COL19A1: variants seen among roughly 807,000 people sequenced by gnomAD.
The protein encoded by COL19A1 is collagen type XIX alpha 1 chain.
Under a neutral mutation model 190.2 loss-of-function variants are expected in COL19A1, and 159 were observed. The ratio of observed to expected loss-of-function variants is 0.84; its 90% CI spans 0.73 to 0.95. COL19A1 has a LOEUF of 0.95. COL19A1 is among the 40% of genes least tolerant of loss of function. The probability of loss-of-function intolerance (pLI) is 0.00; values close to 1 mark genes in which losing one functional copy is unlikely to be tolerated. For synonymous variants in COL19A1, 509 were observed against 458.9 expected, an observed-to-expected ratio of 1.11 and a Z score of -1.39; for missense variants, 1,418 against 1,431.9, an observed-to-expected ratio of 0.99 and a Z score of 0.16.
chr6:70,077,374 G>A (rs1455686521), intron 15 of COL19A1, among the ~76,000 whole-genome samples: 2 of 152,178 alleles, frequency 1.3e-5, no homozygotes, highest in Non-Finnish European at 1.5e-5. Flanking sequence ...TGGAATGGTA[G>A]TATTGAGAGT....
At chr6:70,161,537 T>C (rs556265369) in intron 34 of COL19A1, among the ~76,000 whole-genome samples, 87 of 152,204 alleles carry the variant, frequency 5.7e-4, no homozygotes, top group African/African-American at 2.0e-3. Context: ...CGCAAAAGCA[T>C]ACAGAGTGAT....
At chr6:69,896,142 T>C (rs956441346) in intron 2 of COL19A1, among the ~76,000 whole-genome samples, 1 of 152,160 alleles carries the variant, frequency 6.6e-6, no homozygotes, top group Non-Finnish European at 1.5e-5. Flanking sequence ...GCCATGAATA[T>C]TCTTGCCTAA....
chr6:70,156,077 A>C, intron 31 of COL19A1, 50 bp from the exon 32 acceptor site: 1 of 1,547,100 alleles, frequency 6.5e-7, no homozygotes, highest in African/African-American at 1.4e-5. Flanking sequence ...CCTCACCTTT[A>C]TAGACGGCTT....
At chr6:70,066,952 G>A (rs907948833) in intron 14 of COL19A1, among the ~76,000 whole-genome samples, 9 of 152,078 alleles carry the variant, frequency 5.9e-5, no homozygotes, top group African/African-American at 1.9e-4. Flanking sequence ...ACTTTTATTG[G>A]AGTGGATGAG....
chr6:70,010,743 A>C (rs1228704625), intron 11 of COL19A1, among the ~76,000 whole-genome samples: 1 of 132,774 alleles, frequency 7.5e-6, no homozygotes, highest in Non-Finnish European at 1.5e-5. Flanking sequence ...CTAGCACAGC[A>C]GTCTGAGATC....
intron 4 of COL19A1, among the ~76,000 whole-genome samples, chr6:69,917,751 G>C (rs1434354711): frequency 6.6e-6 from 1 of 152,040 alleles, no homozygotes; most frequent in Non-Finnish European, 1.5e-5. Context: ...TGGCTTCCCT[G>C]AGCCACTTTG....
Position 70,207,229 on chromosome 6 carries a change from C to G in COL19A1, c.3384C>G (p.Cys1128Trp). 1 of 1,614,004 alleles carries G rather than the reference C, an allele frequency of 6.2e-7. No homozygotes were observed. Among genetic ancestry groups the G allele is most frequent in the Non-Finnish European group, 8.5e-7 (1 of 1,179,952 alleles). The change falls in exon 51 of 51, where the codon TGC (cysteine) becomes TGG (tryptophan). Residue 1128 changes from cysteine (C) to tryptophan (W), a missense_variant. Physicochemically the swap from Cys to Trp is radical, Grantham distance 215. Coordinates refer to ENST00000620364, the MANE Select transcript of COL19A1 (RefSeq NM_001858.6). ...GPSGRCNPEDCLYPVSHAHQR... is the reference protein window; with the variant it reads ...GPSGRCNPEDWLYPVSHAHQR... ...GTGGAAGATGTAACCCAGAAGATTG[C>G]CTCTATCCTGTGTCTCATGCCCATC... is the stretch of plus-strand genomic sequence containing the variant.
chr6:69,979,582 T>C (rs1307592149), intron 11 of COL19A1, among the ~76,000 whole-genome samples: 1 of 151,796 alleles, frequency 6.6e-6, no homozygotes, highest in Non-Finnish European at 1.5e-5. Context: ...ATATGCAGAA[T>C]TTAGACTTAA....
intron 11 of COL19A1, among the ~76,000 whole-genome samples, chr6:69,998,136 A>T (rs1006068109): frequency 1.3e-5 from 2 of 152,176 alleles, no homozygotes; most frequent in Non-Finnish European, 1.5e-5. Context: ...ACTATCAAAG[A>T]TGAAAGCAAA....
In COL19A1 at chr6:70,210,163, T is replaced by A. The variant is rs1278577775; in HGVS notation, c.*2889T>A. ...AAATAATTATGGGCCATGACGACGA[T>A]TAATATTAAAACTGTGATTTCCATA... On this transcript the variant is annotated 3_prime_UTR_variant, in exon 51 of 51. Coordinates refer to ENST00000620364, the MANE Select transcript of COL19A1 (RefSeq NM_001858.6). 2.0e-5 allele frequency among the ~76,000 whole-genome samples: 3 copies of A among 152,172 alleles called. No individual in the cohort carries two copies. The East Asian group carries it at 5.8e-4, about 29-fold the overall frequency.
At chr6:69,966,782 A>T (rs897299319) in intron 11 of COL19A1, among the ~76,000 whole-genome samples, 2 of 137,748 alleles carry the variant, frequency 1.5e-5, no homozygotes, top group Non-Finnish European at 3.1e-5. Context: ...TAAAAAAATT[A>T]AAAAAAAAAA....
At chr6:69,868,671 T>A (rs1767632539) in intron 1 of COL19A1, among the ~76,000 whole-genome samples, 1 of 152,194 alleles carries the variant, frequency 6.6e-6, no homozygotes, top group South Asian at 2.1e-4. Context: ...GAAACCCAAA[T>A]GTGATTATTA....
intron 11 of COL19A1, among the ~76,000 whole-genome samples, chr6:69,991,994 G>C (rs1229358805): frequency 6.6e-6 from 1 of 152,006 alleles, no homozygotes; most frequent in Non-Finnish European, 1.5e-5. Flanking sequence ...GTCTAGAATG[G>C]TATTTTCTAG....
chr6:69,937,821 G>A, intron 8 of COL19A1, among the ~76,000 whole-genome samples: 1 of 152,110 alleles, frequency 6.6e-6, no homozygotes, highest in East Asian at 1.9e-4. Flanking sequence ...AGGAGATGAT[G>A]CTAAATGGTG....
At chr6:69,907,104 ATTATTT>A (rs1481760667) in intron 4 of COL19A1, among the ~76,000 whole-genome samples, 1 of 132,592 alleles carries the variant, frequency 7.5e-6, no homozygotes, top group Non-Finnish European at 1.6e-5. Context: ...TATTATTATT[ATTATTT>A]TTTTTTTTTT....
chr6:70,054,745 A>C (rs1780397845), intron 14 of COL19A1, among the ~76,000 whole-genome samples: 1 of 152,150 alleles, frequency 6.6e-6, no homozygotes, highest in Admixed American at 6.5e-5. Flanking sequence ...GGAAAACACA[A>C]ATTTGGGTTT....
chr6:69,896,505 C>T (rs893500386), intron 2 of COL19A1, among the ~76,000 whole-genome samples: 1 of 137,672 alleles, frequency 7.3e-6, no homozygotes, highest in Non-Finnish European at 1.5e-5. Context: ...CCACTGCAGT[C>T]CGCAGTCCGG....
At chr6:70,114,210 T>G (rs1344528363) in intron 16 of COL19A1, among the ~76,000 whole-genome samples, 2 of 152,238 alleles carry the variant, frequency 1.3e-5, no homozygotes, top group East Asian at 3.9e-4. Flanking sequence ...CCTTAGTGAT[T>G]GTATACCTCA....
intron 14 of COL19A1, among the ~76,000 whole-genome samples, chr6:70,040,783 C>T (rs1396218110): frequency 6.6e-6 from 1 of 152,142 alleles, no homozygotes; most frequent in Non-Finnish European, 1.5e-5. Context: ...CACTTACATC[C>T]TTTAACCTTT....
Sources: allele counts gnomAD v4.1 joint callset (sites outside exome capture counted in the v4.1 genomes callset), GRCh38; gene constraint gnomAD v4.1.1; transcripts MANE v1.5; gene names NCBI Gene and HGNC (gene_info 2026-07-23, HGNC 2026-07-21).